Variants in TMEM117 observed in about 807,000 individuals in gnomAD.
TMEM117 encodes the protein transmembrane protein 117.
TMEM117 carries 27 observed loss-of-function variants against 52.4 expected under a neutral mutation model. The observed-to-expected ratio is 0.51, with a 90% CI of 0.38 to 0.71. The LOEUF (loss-of-function observed/expected upper bound fraction) is 0.71. TMEM117 is among the 30% of genes least tolerant of loss of function. TMEM117 has a pLI of 0.00. For synonymous variants in TMEM117, 215 were observed against 206.3 expected (o/e 1.04, Z -0.36); for missense variants, 556 against 630.5 (o/e 0.88, Z 1.26).
At chr12:43,834,231 G>A (rs1210186715), upstream of TMEM117, among the ~76,000 whole-genome samples, 1 of 152,186 alleles carries the variant, frequency 6.6e-6, no homozygotes, top group Non-Finnish European at 1.5e-5. Context: ...TATAGCATAT[G>A]GAACCTTTGT....
intron 5 of TMEM117, among the ~76,000 whole-genome samples, chr12:44,277,419 A>G (rs544779374): frequency 5.4e-4 from 83 of 152,320 alleles, no homozygotes; most frequent in South Asian, 1.2e-3. Flanking sequence ...TATCTTAAAA[A>G]AAAAGACCCA....
At chr12:43,967,122 ACTT>A (rs1193003453) in intron 3 of TMEM117, among the ~76,000 whole-genome samples, 3 of 94,040 alleles carry the variant, frequency 3.2e-5, no homozygotes, top group African/African-American at 1.1e-4. Flanking sequence ...ATGCCATGTT[ACTT>A]CTTCTTCTTT....
intron 3 of TMEM117, among the ~76,000 whole-genome samples, chr12:44,044,233 A>T (rs533020234): frequency 4.6e-5 from 7 of 152,176 alleles, no homozygotes; most frequent in Non-Finnish European, 1.0e-4. Context: ...GCAGATAGGG[A>T]TGCTGTTTGG....
chr12:44,355,074 GTTT>G (rs1282495469), intron 6 of TMEM117, among the ~76,000 whole-genome samples: 2 of 151,952 alleles, frequency 1.3e-5, no homozygotes, highest in African/African-American at 2.4e-5. Context: ...ATGATATTCT[GTTT>G]TTATTATTAT....
chr12:44,140,225 A>C (rs1237297006), intron 3 of TMEM117, among the ~76,000 whole-genome samples: 3 of 152,148 alleles, frequency 2.0e-5, no homozygotes, highest in Non-Finnish European at 4.4e-5. Context: ...CAGTCAGTCA[A>C]GAAGCTATAA....
chr12:44,053,840 C>T (rs920922312), intron 3 of TMEM117, among the ~76,000 whole-genome samples: 3 of 152,070 alleles, frequency 2.0e-5, no homozygotes, highest in African/African-American at 4.8e-5. Context: ...TATCCAAGGG[C>T]CTTAGTCAAA....
At chr12:43,819,550 G>A in the TMEM117 span, among the ~76,000 whole-genome samples, 2 of 152,122 alleles carry the variant, frequency 1.3e-5, no homozygotes, top group African/African-American at 2.4e-5. Context: ...TGAGGCAGGC[G>A]GATCACGAGG....
rs74376770 is a variant in TMEM117, at chr12:44,020,863, C to G, written c.410+76521C>G. ...AAAATCCAAGATCCAGTTTATACAT[C>G]AGTTGGTTAAGCAAATAACATATAC... On this transcript the variant is annotated intron_variant, in intron 3 of 7. Transcript: ENST00000266534. Among the ~76,000 whole-genome samples, 655 of 152,250 alleles carry G rather than the reference C, an allele frequency of 4.3e-3. 10 individuals carry two copies. Among genetic ancestry groups the G allele is most frequent in the African/African-American group, 0.014 (599 of 41,556 alleles).
intron 6 of TMEM117, among the ~76,000 whole-genome samples, chr12:44,319,314 G>A (rs1324206577): frequency 6.6e-6 from 1 of 152,144 alleles, no homozygotes; most frequent in African/African-American, 2.4e-5. Context: ...ATGTCCCCAA[G>A]CCTCACCCCA....
At chr12:44,383,518 G>A (rs995838143) in intron 7 of TMEM117, among the ~76,000 whole-genome samples, 3 of 152,230 alleles carry the variant, frequency 2.0e-5, no homozygotes, top group South Asian at 2.1e-4. Context: ...CCAACACCAC[G>A]CAGTGATTTC....
At chr12:44,318,039 G>T (rs867429777) in intron 6 of TMEM117, among the ~76,000 whole-genome samples, 1 of 152,176 alleles carries the variant, frequency 6.6e-6, no homozygotes, top group Non-Finnish European at 1.5e-5. Flanking sequence ...TGCATGGGGA[G>T]GGGTGACGGC....
chr12:43,864,441 C>G (rs994367891), intron 2 of TMEM117, among the ~76,000 whole-genome samples: 1 of 152,170 alleles, frequency 6.6e-6, no homozygotes, highest in South Asian at 2.1e-4. Context: ...CTGTATCTAG[C>G]TCAAGGTTTG....
chr12:43,997,461 T>A (rs1352866358), intron 3 of TMEM117, among the ~76,000 whole-genome samples: 1 of 152,196 alleles, frequency 6.6e-6, no homozygotes, highest in Non-Finnish European at 1.5e-5. Flanking sequence ...ACCCTGTCCA[T>A]CAAGTTCAGA....
At chr12:44,384,345 G>A (rs577223046) in intron 7 of TMEM117, among the ~76,000 whole-genome samples, 18 of 152,144 alleles carry the variant, frequency 1.2e-4, no homozygotes, top group African/African-American at 2.9e-4. Context: ...TGCTGCATGC[G>A]CAGGAGGGAG....
chr12:44,171,702 A>G (rs773287814), intron 4 of TMEM117, among the ~76,000 whole-genome samples: 2 of 152,164 alleles, frequency 1.3e-5, no homozygotes, highest in Non-Finnish European at 2.9e-5. Flanking sequence ...TAATTACCCC[A>G]TCTAAGTTAG....
chr12:44,207,743 G>T, intron 4 of TMEM117, among the ~76,000 whole-genome samples: 1 of 151,740 alleles, frequency 6.6e-6, no homozygotes, highest in South Asian at 2.1e-4. Flanking sequence ...TACATATTTT[G>T]TGCTCATAGG....
chr12:44,332,712 T>TACACACACACACACACACACACACACAC (rs34633299), intron 6 of TMEM117, among the ~76,000 whole-genome samples: 1 of 143,134 alleles, frequency 7.0e-6, no homozygotes, highest in Admixed American at 7.0e-5. Context: ...CTACTGTTAC[T>TACACACACACACACACACACACACACAC]ACACACACAC....
intron 4 of TMEM117, among the ~76,000 whole-genome samples, chr12:44,150,633 TGTG>T (rs1240152871): frequency 5.3e-5 from 8 of 152,312 alleles, no homozygotes; most frequent in Non-Finnish European, 1.2e-4. Flanking sequence ...GGGAAGTAAA[TGTG>T]GTCATTTTGC....
At chr12:44,234,497 T>C (rs545643226) in intron 5 of TMEM117, among the ~76,000 whole-genome samples, 1 of 151,442 alleles carries the variant, frequency 6.6e-6, no homozygotes, top group African/African-American at 2.4e-5. Flanking sequence ...TTTTCTTCAT[T>C]ATTATTTTCT....
Sources: gnomAD v4.1 joint callset for allele counts (sites outside exome capture counted in the v4.1 genomes callset) on GRCh38, gnomAD v4.1.1 for gene constraint, MANE v1.5 for transcripts, NCBI Gene and HGNC (gene_info 2026-07-23, HGNC 2026-07-21) for gene names.